EFHD2: variants seen among roughly 807,000 people sequenced by gnomAD.
The protein encoded by EFHD2 is EF-hand domain family member D2, also known as EF-hand domain-containing protein D2.
A neutral mutation model predicts 20.3 loss-of-function variants in EFHD2; 12 were observed. The observed-to-expected ratio is 0.59, with a 90% CI of 0.38 to 0.96. The LOEUF (loss-of-function observed/expected upper bound fraction) is 0.96, where lower values mean the gene tolerates loss of function less well. Ranked by LOEUF, EFHD2 falls within the 40% of genes least tolerant of loss-of-function variation. EFHD2 has a pLI of 0.00. For synonymous variants in EFHD2, 131 were observed against 143.9 expected (o/e 0.91, Z 0.64); for missense variants, 250 against 334.3 (o/e 0.75, Z 1.97).
intron 1 of EFHD2, among the ~76,000 whole-genome samples, chr1:15,419,795 G>A (rs1052818533): frequency 8.5e-5 from 13 of 152,306 alleles, no homozygotes; most frequent in Admixed American, 3.3e-4. Flanking sequence ...TCCAGCCATC[G>A]TGGAACCTCG....
At chr1:15,417,834 G>A (rs1260781444) in intron 1 of EFHD2, among the ~76,000 whole-genome samples, 3 of 152,176 alleles carry the variant, frequency 2.0e-5, no homozygotes, top group Non-Finnish European at 4.4e-5. Context: ...GTAAAGCCTG[G>A]GATGGGAGTC....
intron 1 of EFHD2, 59 bp from the exon 2 acceptor site, chr1:15,425,812 A>C: frequency 6.3e-7 from 1 of 1,576,560 alleles, no homozygotes; most frequent in Admixed American, 2.0e-5. Context: ...CTTGCACTCA[A>C]GCCTGCGGCC....
rs1177832802 is a variant in EFHD2, at chr1:15,413,640, G to T, written c.308+3361G>T. 6.6e-6 allele frequency among the ~76,000 whole-genome samples: 1 copy of T among 152,212 alleles called. No homozygotes were observed. The highest frequency in any genetic ancestry group is 1.5e-5 in the Non-Finnish European group (1 of 68,024). On this transcript the variant is annotated intron_variant, in intron 1 of 3. Transcript: ENST00000375980. This position sits in a 1 kb window ranked among gnomAD's most constrained non-coding sequence, Gnocchi z 4.4. ...AGGTTCCTCCTGAGAGAGACCTGAA[G>T]GGTTGACTCCAACCCCTCTCCCCAT...
At position 15,427,279 on chromosome 1, in the gene EFHD2, G is replaced by A; in HGVS notation, c.586G>A (p.Ala196Thr). Reference sequence around the variant, plus strand: ...CAAGGGGGCCAAGAGCTTCTTTGAGGCCAAGGTGAGGAGCCCAAGGGGTGC... The same window carrying A: ...CAAGGGGGCCAAGAGCTTCTTTGAGACCAAGGTGAGGAGCCCAAGGGGTGC... ...GVKGAKSFFE[A>T]KVQAINVSSR... The change falls in exon 3 of 4, where the codon GCC becomes ACC. Residue 196 changes from alanine to threonine, a missense_variant. Coordinates refer to ENST00000375980, the MANE Select transcript of EFHD2 (RefSeq NM_024329.6). The A allele has an allele frequency of 1.2e-6, 2 of 1,605,616 alleles. No homozygotes were observed. The highest frequency in any genetic ancestry group is 2.2e-5 in the East Asian group (1 of 44,608).
intron 1 of EFHD2, among the ~76,000 whole-genome samples, chr1:15,411,125 G>A (rs1043337064): frequency 6.8e-5 from 2 of 29,324 alleles, no homozygotes; most frequent in Non-Finnish European, 1.4e-4. Context: ...CCCCACCCCC[G>A]TGCACCCAGC....
At chr1:15,428,303 C>T (rs1178622902) in intron 3 of EFHD2, among the ~76,000 whole-genome samples, 1 of 152,102 alleles carries the variant, frequency 6.6e-6, no homozygotes, top group Non-Finnish European at 1.5e-5. Context: ...GATCAGCTAA[C>T]ATGGCCAACA....
At chr1:15,422,409 G>A (rs991879968) in intron 1 of EFHD2, among the ~76,000 whole-genome samples, 3 of 151,824 alleles carry the variant, frequency 2.0e-5, no homozygotes, top group Non-Finnish European at 4.4e-5. Flanking sequence ...CATTCTTTGC[G>A]GTGGGGCCAC....
At chr1:15,421,911 C>T (rs1707798401) in intron 1 of EFHD2, among the ~76,000 whole-genome samples, 1 of 152,034 alleles carries the variant, frequency 6.6e-6, no homozygotes, top group South Asian at 2.1e-4. Context: ...GTGATTCAAT[C>T]TTGTTTTAGC....
chr1:15,424,183 GAAAAAAA>G (rs796607296), intron 1 of EFHD2, among the ~76,000 whole-genome samples: 2 of 112,092 alleles, frequency 1.8e-5, no homozygotes, highest in African/African-American at 3.3e-5. Flanking sequence ...GTCTCAAAAA[GAAAAAAA>G]AAAAAAAGAA....
intron 1 of EFHD2, among the ~76,000 whole-genome samples, chr1:15,421,628 C>T (rs559000096): frequency 1.3e-5 from 2 of 152,312 alleles, no homozygotes; most frequent in African/African-American, 2.4e-5. Flanking sequence ...CCACAGCCCA[C>T]GTTTCCATCC....
rs564432301 is a variant in EFHD2 at position 15,419,988 on chromosome 1, C to T, written c.309-5883C>T. On this transcript the variant is annotated intron_variant, in intron 1 of 3. Transcript: ENST00000375980. ...TCCCAGAGATGCTGGGGCTTTGCGT[C>T]GGGCCTAGTAGGGGAAAAGTGGGCC... 3.6e-4 allele frequency among the ~76,000 whole-genome samples: 55 copies of T among 152,252 alleles called. No individual in the cohort carries two copies. In the South Asian group the frequency reaches 0.01, roughly 29 times the overall value.
intron 1 of EFHD2, among the ~76,000 whole-genome samples, chr1:15,422,434 G>A (rs903763884): frequency 5.3e-5 from 8 of 151,962 alleles, no homozygotes; most frequent in Non-Finnish European, 1.2e-4. Context: ...TGCGCTATAG[G>A]AGCTTCCCTG....
At chr1:15,427,352 A>T (rs1707890135) in intron 3 of EFHD2, 68 bp downstream of exon 3, 2 of 1,544,596 alleles carry the variant, frequency 1.3e-6, no homozygotes, top group Non-Finnish European at 1.8e-6. Context: ...GTGCGAAGTT[A>T]ATAGGTCCCC....
intron 1 of EFHD2, among the ~76,000 whole-genome samples, chr1:15,416,330 T>A (rs1707669460): frequency 6.6e-6 from 1 of 152,140 alleles, no homozygotes; most frequent in Non-Finnish European, 1.5e-5. Context: ...AGGCCAGCCC[T>A]GCCGGCAGAG....
intron 1 of EFHD2, among the ~76,000 whole-genome samples, chr1:15,419,292 C>G (rs1189869561): frequency 6.6e-6 from 1 of 152,222 alleles, no homozygotes; most frequent in African/African-American, 2.4e-5. Context: ...CTGCTGAGCC[C>G]TCCCTGACGA....
At position 15,413,792 on chromosome 1, in the gene EFHD2, C is replaced by T. The variant is rs1707594549; in HGVS notation, c.308+3513C>T. Among the ~76,000 whole-genome samples the T allele has an allele frequency of 6.6e-6, 1 of 152,198 alleles. No homozygotes were observed. The highest frequency in any genetic ancestry group is 1.5e-5 in the Non-Finnish European group (1 of 68,022). ...GTGGTCCCGGTGTCTCAGGGTGGGG[C>T]TCCGAGGACATGACACACTTAGAGT... is the stretch of plus-strand genomic sequence containing the variant. On this transcript the variant is annotated intron_variant, in intron 1 of 3. Coordinates refer to ENST00000375980, the MANE Select transcript of EFHD2 (RefSeq NM_024329.6). The surrounding 1 kb of genome is among the most constrained non-coding windows in gnomAD (Gnocchi z 4.4).
At chr1:15,412,802 T>A (rs1707561589) in intron 1 of EFHD2, among the ~76,000 whole-genome samples, 2 of 152,192 alleles carry the variant, frequency 1.3e-5, no homozygotes, top group African/African-American at 4.8e-5. Flanking sequence ...CAAACTCACT[T>A]TTTTTTACAT....
At chr1:15,415,537 GA>G (rs1707649846) in intron 1 of EFHD2, among the ~76,000 whole-genome samples, 1 of 148,318 alleles carries the variant, frequency 6.7e-6, no homozygotes, top group African/African-American at 2.5e-5. Flanking sequence ...CACCAAGGCT[GA>G]AGTACAGTGG....
intron 3 of EFHD2, among the ~76,000 whole-genome samples, chr1:15,428,219 G>C (rs566774967): frequency 2.0e-5 from 3 of 152,138 alleles, no homozygotes; most frequent in Non-Finnish European, 2.9e-5. Context: ...AAGGCCGGGC[G>C]CAGTGGCTCA....
Sources: gnomAD v4.1 joint callset for allele counts (sites outside exome capture counted in the v4.1 genomes callset) on GRCh38, gnomAD v4.1.1 for gene constraint, Gnocchi (gnomAD v3.1) non-coding constraint, MANE v1.5 for transcripts, NCBI Gene and HGNC (gene_info 2026-07-23, HGNC 2026-07-21) for gene names.